Variants in PCK2 observed in about 807,000 individuals in gnomAD.
PCK2 encodes the protein phosphoenolpyruvate carboxykinase [GTP], mitochondrial.
A neutral mutation model predicts 65.9 loss-of-function variants in PCK2; 56 were observed. That is an observed-to-expected ratio of 0.85 (90% confidence interval 0.69 to 1.06). The LOEUF is 1.06. Among genes scored for constraint, PCK2 ranks in the 50% least tolerant of loss-of-function variants. The pLI, the probability that PCK2 is intolerant of heterozygous loss-of-function variation, is 0.00. For missense variants in PCK2, 843 were observed against 863.1 expected, an observed-to-expected ratio of 0.98 and a Z score of 0.29; for synonymous variants, 305 against 319.6, an observed-to-expected ratio of 0.95 and a Z score of 0.49.
Position 24,094,849 on chromosome 14 carries a change from C to G in PCK2, c.29+415C>G, listed in dbSNP as rs1377805021. On this transcript the variant is annotated intron_variant, in intron 1 of 9. Coordinates refer to ENST00000216780, the MANE Select transcript of PCK2 (RefSeq NM_004563.4). This position sits in a 1 kb window ranked among gnomAD's most constrained non-coding sequence, Gnocchi z 4.1. ...CAGCAGGGCCCTGGGGACAAGGGTA[C>G]GTGAGCCCCGGGAGACTAAGCTCAG... 2.6e-5 allele frequency: 34 copies of G among 1,310,346 alleles called. No homozygotes were observed. The highest frequency in any genetic ancestry group is 3.4e-5 in the Non-Finnish European group (34 of 1,002,818). The allele number at this position is 1,310,346 out of a possible 1,614,324, so 81.2% of individuals were successfully genotyped here.
At chr14:24,097,564 C>CAAA (rs61077083) in intron 2 of PCK2, among the ~76,000 whole-genome samples, 1 of 138,898 alleles carries the variant, frequency 7.2e-6, no homozygotes. Context: ...AACTCTGTCT[C>CAAA]AAAAAAAAAA....
intron 1 of PCK2, chr14:24,095,154 G>C: frequency 2.2e-6 from 1 of 456,104 alleles, no homozygotes; most frequent in Non-Finnish European, 4.4e-6. Context: ...TTTTGTCCCA[G>C]AGTCGGAAGT....
chr14:24,096,831 C>G (rs2036906227), intron 1 of PCK2, 61 bp from the exon 2 acceptor site: 3 of 1,500,142 alleles, frequency 2.0e-6, no homozygotes, highest in Non-Finnish European at 2.7e-6. Context: ...TGTCTCTCCA[C>G]CACCTGCCTT....
chr14:24,098,306 G>A lies in PCK2; in HGVS notation c.379G>A (p.Ala127Thr). 1 of 1,614,122 alleles carries A rather than the reference G, an allele frequency of 6.2e-7. No individual in the cohort carries two copies. Among genetic ancestry groups the A allele is most frequent in the Middle Eastern group, 1.6e-4 (1 of 6,062 alleles). Residue 127 changes from alanine (A) to threonine (T), a missense_variant, in exon 3 of 10, where the codon GCC (alanine) becomes ACC (threonine). Coordinates refer to ENST00000216780, the MANE Select transcript of PCK2 (RefSeq NM_004563.4). Reference sequence around the variant, plus strand: ...CACGGTACCACTCCCGCCTGGTGGGGCCCGTGGGCAGCTGGGCAACTGGAT... The same window carrying A: ...CACGGTACCACTCCCGCCTGGTGGGACCCGTGGGCAGCTGGGCAACTGGAT... ...RDTVPLPPGG[A>T]RGQLGNWMSP... is the part of the protein sequence containing the mutation.
intron 5 of PCK2, 93 bp from the exon 6 acceptor site, chr14:24,099,465 C>T: frequency 8.2e-7 from 1 of 1,222,610 alleles, no homozygotes. Context: ...AAACATTGGT[C>T]CTCCCTATTA....
At chr14:24,097,340 C>T (rs116246214) in intron 2 of PCK2, among the ~76,000 whole-genome samples, 11,506 of 148,718 alleles carry the variant, frequency 0.077, 503 homozygotes, top group African/African-American at 0.097. Flanking sequence ...CACCAGGTGT[C>T]GGGAGTTTGG....
At chr14:24,101,087 T>A (rs902991521) in intron 7 of PCK2, among the ~76,000 whole-genome samples, 2 of 152,126 alleles carry the variant, frequency 1.3e-5, no homozygotes, top group African/African-American at 4.8e-5. Context: ...CTTCATCTAA[T>A]CACCCTTTAT....
chr14:24,099,213 G>A lies in PCK2; in HGVS notation c.829G>A (p.Gly277Ser). ...RIASRLARDE[G>S]WLAEHMLILG... ...CGCCTCTCGGCTGGCCCGGGATGAG[G>A]GCTGGCTGGCAGAGCACATGCTGGT... Residue 277 changes from glycine to serine, a missense_variant, in exon 5 of 10, where the codon GGC becomes AGC. Gly to Ser is a moderately conservative substitution (Grantham distance 56, BLOSUM62 0). Transcript: ENST00000216780. The A allele has an allele frequency of 6.3e-7, 1 of 1,598,716 alleles. No individual in the cohort carries two copies. The highest frequency in any genetic ancestry group is 8.5e-7 in the Non-Finnish European group (1 of 1,175,976).
In PCK2 at chr14:24,094,603, G is replaced by T; in HGVS notation, c.29+169G>T. On this transcript the variant is annotated intron_variant, in intron 1 of 9. Transcript: ENST00000216780. This position sits in a 1 kb window ranked among gnomAD's most constrained non-coding sequence, Gnocchi z 4.1. ...AGCCTCCCGCGCCGCGCGTCTCTTG[G>T]GAGGGCAGCCGGCCGGTGCTCCTCG... 1 of 1,461,862 alleles carries T rather than the reference G, an allele frequency of 6.8e-7. No homozygotes were observed. The highest frequency in any genetic ancestry group is 9.0e-7 in the Non-Finnish European group (1 of 1,108,778). The allele number at this position is 1,461,862 out of a possible 1,614,324, so 90.6% of individuals were successfully genotyped here. A position where few individuals can be genotyped will look rare whatever the true frequency, so the allele number is the denominator to read the frequency against.
rs778357924 is a variant in PCK2 at position 24,102,737 on chromosome 14, G to A, written c.1235-16G>A. ...CATGACCTTGGAAATAATAGTGTTTGTATTTCCTCTGCCAGGTGACAAGGA... is the reference window on the plus strand; with the variant it reads ...CATGACCTTGGAAATAATAGTGTTTATATTTCCTCTGCCAGGTGACAAGGA... On this transcript the variant is annotated splice_polypyrimidine_tract_variant and intron_variant, in intron 7 of 9. Transcript: ENST00000216780. The A allele has an allele frequency of 6.2e-7, 1 of 1,608,850 alleles. No individual in the cohort carries two copies. Among genetic ancestry groups the A allele is most frequent in the South Asian group, 1.1e-5 (1 of 90,788 alleles).
In PCK2 at chr14:24,102,837, C is replaced by T. The variant is rs2037216973; in HGVS notation, c.1319C>T (p.Ala440Val). 6.2e-7 allele frequency: 1 copy of T among 1,613,950 alleles called. No individual in the cohort carries two copies. The highest frequency in any genetic ancestry group is 8.5e-7 in the Non-Finnish European group (1 of 1,179,832). ...QCPIMDPAWE[A>V]PEGVPIDAII... ...CCCATCATGGACCCAGCCTGGGAGG[C>T]CCCAGAGGGTGTCCCCATTGACGCC... The change falls in exon 8 of 10, where the codon GCC (alanine) becomes GTC (valine). Residue 440 changes from alanine (A) to valine (V), a missense_variant. Physicochemically the swap from Ala to Val is moderately conservative, Grantham distance 64 (BLOSUM62 0). Coordinates refer to ENST00000216780, the MANE Select transcript of PCK2 (RefSeq NM_004563.4).
At chr14:24,101,812 TCAGGAGGCAGGAAAATTGCTTGATCC>T (rs1323219902) in intron 7 of PCK2, among the ~76,000 whole-genome samples, 1 of 151,760 alleles carries the variant, frequency 6.6e-6, no homozygotes, top group Admixed American at 6.6e-5. Flanking sequence ...TCCCAGCTAC[TCAGGAGGCAGGAAAATTGCTTGATCC>T]CAGGAGGCAG....
In PCK2 at chr14:24,103,905, C is replaced by G; in HGVS notation, c.1864C>G (p.Leu622Val). ...SYLTEQVNQDLPKEVLAELEA... is the reference protein window; with the variant it reads ...SYLTEQVNQDVPKEVLAELEA... ...CCTGACAGAGCAGGTCAACCAGGAT[C>G]TGCCCAAAGAGGTGTTGGCTGAGCT... Residue 622 changes from leucine (L) to valine (V), a missense_variant, in exon 10 of 10, where the codon CTG becomes GTG. Leu to Val is a conservative substitution (Grantham distance 32). Transcript: ENST00000216780. The G allele has an allele frequency of 6.2e-7, 1 of 1,614,188 alleles. No homozygotes were observed. The highest frequency in any genetic ancestry group is 8.5e-7 in the Non-Finnish European group (1 of 1,180,032).
Position 24,103,752 on chromosome 14 carries a change from A to C in PCK2, c.1711A>C (p.Thr571Pro), listed in dbSNP as rs759471685. The C allele has an allele frequency of 2.5e-6, 4 of 1,614,144 alleles. No homozygotes were observed. The highest frequency in any genetic ancestry group is 3.4e-6 in the Non-Finnish European group (4 of 1,180,018). ...RLEGEDSARETPIGLVPKEGA... is the reference protein window; with the variant it reads ...RLEGEDSAREPPIGLVPKEGA... Reference sequence around the variant, plus strand: ...AGAGGGGGAGGACAGTGCCCGAGAGACACCCATTGGGCTGGTGCCAAAGGA... The same window carrying C: ...AGAGGGGGAGGACAGTGCCCGAGAGCCACCCATTGGGCTGGTGCCAAAGGA... The change falls in exon 10 of 10, where the codon ACA becomes CCA. Residue 571 changes from threonine to proline, a missense_variant. Thr to Pro is a conservative substitution (Grantham distance 38, BLOSUM62 -1). Transcript: ENST00000216780.
intron 8 of PCK2, 84 bp from the exon 9 acceptor site, chr14:24,103,076 G>C: frequency 1.6e-6 from 2 of 1,250,830 alleles, no homozygotes; most frequent in East Asian, 4.7e-5. Context: ...TTAGGAGAGA[G>C]AGTACCAGTC....
At chr14:24,095,198 G>T (rs1305638078) in intron 1 of PCK2, 1 of 456,038 alleles carries the variant, frequency 2.2e-6, no homozygotes, top group Non-Finnish European at 4.4e-6. Context: ...GTTCCACTTG[G>T]GCAGCCCTTG....
chr14:24,094,327 C>G lies in PCK2; in HGVS notation c.-79C>G. 1 of 1,400,292 alleles carries G rather than the reference C, an allele frequency of 7.1e-7. No individual in the cohort carries two copies. The highest frequency in any genetic ancestry group is 9.7e-7 in the Non-Finnish European group (1 of 1,027,436). 86.7% of individuals were successfully genotyped at this position (1,400,292 alleles called of 1,614,324 possible). A position where few individuals can be genotyped will look rare whatever the true frequency, so the allele number is the denominator to read the frequency against. On this transcript the variant is annotated 5_prime_UTR_variant, in exon 1 of 10. Coordinates refer to ENST00000216780, the MANE Select transcript of PCK2 (RefSeq NM_004563.4). The surrounding 1 kb of genome is among the most constrained non-coding windows in gnomAD (Gnocchi z 4.1). ...GCCTCTGCTGTGGCTCGCTTCGCCG[C>G]GCTCCCTCCTTCCCCGCCTTCCATA...
intron 9 of PCK2, 42 bp downstream of exon 9, chr14:24,103,297 C>A: frequency 6.7e-7 from 1 of 1,488,442 alleles, no homozygotes; most frequent in Non-Finnish European, 9.3e-7. Context: ...TGTGTGCACA[C>A]AGCACGTCCT....
Position 24,094,674 on chromosome 14 carries a change from C to T in PCK2, c.29+240C>T, listed in dbSNP as rs2036778036. 6.6e-7 allele frequency: 1 copy of T among 1,515,816 alleles called. No individual in the cohort carries two copies. The highest frequency in any genetic ancestry group is 1.7e-4 in the Middle Eastern group (1 of 5,900). The allele number at this position is 1,515,816 out of a possible 1,614,324, so 93.9% of individuals were successfully genotyped here. A position where few individuals can be genotyped will look rare whatever the true frequency, so the allele number is the denominator to read the frequency against. On this transcript the variant is annotated intron_variant, in intron 1 of 9. Transcript: ENST00000216780. The surrounding 1 kb of genome is among the most constrained non-coding windows in gnomAD (Gnocchi z 4.1). Reference sequence around the variant, plus strand: ...TCTCTGCCTCGCTCGCCTCTGACCGCGCGATCTCTATCTGCCACTCTCAGA... The same window carrying T: ...TCTCTGCCTCGCTCGCCTCTGACCGTGCGATCTCTATCTGCCACTCTCAGA...
Sources: gnomAD v4.1 joint callset for allele counts (sites outside exome capture counted in the v4.1 genomes callset) on GRCh38, gnomAD v4.1.1 for gene constraint, Gnocchi (gnomAD v3.1) non-coding constraint, MANE v1.5 for transcripts, NCBI Gene and HGNC (gene_info 2026-07-23, HGNC 2026-07-21) for gene names.